FAF1: variants seen among roughly 807,000 people sequenced by gnomAD.
The protein encoded by FAF1 is FAS-associated factor 1.
FAF1 carries 25 observed loss-of-function variants against 92.5 expected under a neutral mutation model. The ratio of observed to expected loss-of-function variants is 0.27; its 90% CI spans 0.20 to 0.38. The LOEUF is 0.38. Ranked by LOEUF, FAF1 falls within the 10% of genes least tolerant of loss-of-function variation. FAF1 has a pLI of 1.00. For missense variants in FAF1, 636 were observed against 793.3 expected (o/e 0.80, Z 2.38); for synonymous variants, 234 against 273.2 (o/e 0.86, Z 1.42).
chr1:50,752,202 C>T (rs1234049878), intron 4 of FAF1, among the ~76,000 whole-genome samples: 1 of 152,132 alleles, frequency 6.6e-6, no homozygotes, highest in Non-Finnish European at 1.5e-5. Context: ...AACTCCTGAC[C>T]TCAGGGGAGC....
intron 9 of FAF1, among the ~76,000 whole-genome samples, chr1:50,587,739 G>C (rs1478513011): frequency 6.6e-6 from 1 of 152,186 alleles, no homozygotes; most frequent in East Asian, 1.9e-4. Context: ...GGAAGATACA[G>C]TATATCCTCT....
intron 6 of FAF1, among the ~76,000 whole-genome samples, chr1:50,729,038 A>ATCTATCTATC (rs1293096759): frequency 5.1e-4 from 31 of 60,728 alleles, no homozygotes; most frequent in South Asian, 7.1e-4. Flanking sequence ...ATCTATCTAT[A>ATCTATCTATC]TATATATATA....
chr1:50,838,900 A>C (rs1644233539), intron 2 of FAF1, among the ~76,000 whole-genome samples: 1 of 152,124 alleles, frequency 6.6e-6, no homozygotes, highest in African/African-American at 2.4e-5. Flanking sequence ...ATACACTAAC[A>C]CTGGAAGCTG....
chr1:50,554,606 G>A (rs1021182964), intron 13 of FAF1, among the ~76,000 whole-genome samples: 4 of 151,964 alleles, frequency 2.6e-5, no homozygotes, highest in East Asian at 1.9e-4. Flanking sequence ...AATTACTGTC[G>A]TCTTCTTCAC....
chr1:50,765,368 T>A (rs1209620491), intron 4 of FAF1, among the ~76,000 whole-genome samples: 1 of 152,236 alleles, frequency 6.6e-6, no homozygotes, highest in Non-Finnish European at 1.5e-5. Context: ...ATCTACAGAA[T>A]TTAATACCTT....
At chr1:50,910,734 C>T (rs556628307) in intron 1 of FAF1, among the ~76,000 whole-genome samples, 2 of 151,924 alleles carry the variant, frequency 1.3e-5, no homozygotes, top group Admixed American at 6.6e-5. Context: ...ATTGGAAAAG[C>T]GCAGTATTAG....
intron 15 of FAF1, among the ~76,000 whole-genome samples, chr1:50,502,731 C>T (rs1448874132): frequency 6.6e-6 from 1 of 152,088 alleles, no homozygotes; most frequent in Admixed American, 6.5e-5. Flanking sequence ...AATATTCAAG[C>T]TTTCTTAGGT....
At chr1:50,485,390 C>T (rs1373496346) in intron 17 of FAF1, among the ~76,000 whole-genome samples, 4 of 151,872 alleles carry the variant, frequency 2.6e-5, no homozygotes, top group Admixed American at 1.3e-4. Flanking sequence ...AGGCTGGGCG[C>T]GGTGGCTCAC....
At chr1:50,485,113 G>T (rs1313189117) in intron 17 of FAF1, among the ~76,000 whole-genome samples, 2 of 151,332 alleles carry the variant, frequency 1.3e-5, no homozygotes, top group Non-Finnish European at 2.9e-5. Flanking sequence ...ATAAAAAAAA[G>T]AAATTATTAT....
At chr1:50,904,752 C>T (rs767473861) in intron 1 of FAF1, among the ~76,000 whole-genome samples, 11 of 151,916 alleles carry the variant, frequency 7.2e-5, no homozygotes, top group Non-Finnish European at 1.3e-4. Flanking sequence ...TTCACTTTTC[C>T]GTATTTTGAG....
At chr1:50,491,845 T>C (rs1646842146) in intron 15 of FAF1, 44 bp from the exon 16 acceptor site, 2 of 1,479,694 alleles carry the variant, frequency 1.4e-6, no homozygotes, top group Admixed American at 4.1e-5. Flanking sequence ...ATAACTTTTT[T>C]TTGAAAAAAA....
intron 3 of FAF1, among the ~76,000 whole-genome samples, chr1:50,791,895 T>C (rs1040235931): frequency 6.6e-6 from 1 of 152,188 alleles, no homozygotes; most frequent in Admixed American, 6.5e-5. Context: ...CCAGGAAACA[T>C]ACTTTCAAGG....
At chr1:50,572,982 G>A (rs528908070) in intron 12 of FAF1, among the ~76,000 whole-genome samples, 1 of 151,952 alleles carries the variant, frequency 6.6e-6, no homozygotes, top group African/African-American at 2.4e-5. Context: ...TACACACCTG[G>A]CCTGCGAAGG....
At chr1:50,610,226 C>T (rs1216784436) in intron 8 of FAF1, among the ~76,000 whole-genome samples, 1 of 152,066 alleles carries the variant, frequency 6.6e-6, no homozygotes, top group Admixed American at 6.6e-5. Context: ...ATATATGATC[C>T]ATATGATGAT....
chr1:50,633,861 T>G (rs555995729), intron 8 of FAF1, among the ~76,000 whole-genome samples: 4 of 152,200 alleles, frequency 2.6e-5, no homozygotes, highest in Non-Finnish European at 5.9e-5. Flanking sequence ...TTTATCTCTT[T>G]TATACATCTG....
chr1:50,776,591 C>T (rs1435024696), intron 4 of FAF1, among the ~76,000 whole-genome samples: 2 of 151,682 alleles, frequency 1.3e-5, no homozygotes, highest in Admixed American at 1.3e-4. Flanking sequence ...TGAAGTGATA[C>T]ACTATTCACT....
intron 17 of FAF1, among the ~76,000 whole-genome samples, chr1:50,482,923 G>A (rs2149003392): frequency 6.6e-6 from 1 of 152,156 alleles, no homozygotes; most frequent in African/African-American, 2.4e-5. Flanking sequence ...CCCCTTGTCT[G>A]TGGCTTGTTT....
At chr1:50,574,818 G>GTC (rs1185005244) in intron 12 of FAF1, among the ~76,000 whole-genome samples, 2 of 147,760 alleles carry the variant, frequency 1.4e-5, no homozygotes, top group Non-Finnish European at 3.0e-5. Context: ...ATCAAATATT[G>GTC]TCTGACAAAC....
intron 1 of FAF1, among the ~76,000 whole-genome samples, chr1:50,880,920 C>T (rs1644606675): frequency 6.6e-6 from 1 of 152,172 alleles, no homozygotes; most frequent in Admixed American, 6.5e-5. Context: ...TGGTTTTCAG[C>T]TTTGGAATCA....
Sources: allele counts gnomAD v4.1 joint callset (sites outside exome capture counted in the v4.1 genomes callset), GRCh38; gene constraint gnomAD v4.1.1; transcripts MANE v1.5; gene names NCBI Gene and HGNC (gene_info 2026-07-23, HGNC 2026-07-21).